The following PTPRB variants were observed in gnomAD, a reference collection of about 807,000 sequenced individuals.
PTPRB encodes receptor-type tyrosine-protein phosphatase beta.
Under a neutral mutation model 238.1 loss-of-function variants are expected in PTPRB, and 97 were observed. The ratio of observed to expected loss-of-function variants is 0.41; its 90% CI spans 0.35 to 0.48. The LOEUF is 0.48. Ranked by LOEUF, PTPRB falls within the 20% of genes least tolerant of loss-of-function variation. PTPRB has a pLI of 0.30. For synonymous variants in PTPRB, 970 were observed against 995.4 expected (o/e 0.97, Z 0.48); for missense variants, 2,292 against 2,681.9 (o/e 0.85, Z 3.21).
At chr12:70,524,914 T>C (rs1872167254) in intron 32 of PTPRB, among the ~76,000 whole-genome samples, 1 of 148,354 alleles carries the variant, frequency 6.7e-6, no homozygotes, top group Non-Finnish European at 1.5e-5. Flanking sequence ...TGTATATATG[T>C]ATGTATATAT....
At chr12:70,534,795 C>T (rs1367063115) in intron 30 of PTPRB, 38 bp downstream of exon 30, 1 of 1,610,316 alleles carries the variant, frequency 6.2e-7, no homozygotes, top group Non-Finnish European at 8.5e-7. Flanking sequence ...TCATTCATCT[C>T]CCCAAGCTCG....
chr12:70,546,501 G>A (rs1875991058), intron 21 of PTPRB, among the ~76,000 whole-genome samples: 1 of 152,192 alleles, frequency 6.6e-6, no homozygotes, highest in South Asian at 2.1e-4. Flanking sequence ...ATTTTAGGAT[G>A]AATTAGAGAT....
intron 2 of PTPRB, among the ~76,000 whole-genome samples, chr12:70,624,297 G>A (rs1885077219): frequency 6.6e-6 from 1 of 152,016 alleles, no homozygotes; most frequent in South Asian, 2.1e-4. Flanking sequence ...ATGTAACCGA[G>A]TGCTGCGTAT....
chr12:70,592,171 C>T (rs1882549936), intron 7 of PTPRB, 111 bp downstream of exon 7: 1 of 1,460,240 alleles, frequency 6.8e-7, no homozygotes, highest in Non-Finnish European at 9.4e-7. Flanking sequence ...ACATAGGCTC[C>T]ACTTCTCAGA....
intron 5 of PTPRB, 135 bp downstream of exon 5, chr12:70,595,914 T>C: frequency 3.5e-6 from 3 of 846,680 alleles, no homozygotes; most frequent in Non-Finnish European, 5.1e-6. Flanking sequence ...TCCCACAAGC[T>C]CCTTTTAAAA....
chr12:70,520,340 G>T lies in PTPRB; in HGVS notation c.*1149C>A. The stretch of plus-strand genomic sequence containing the variant: ...GCCTTTTGTTATTAAATGCAACTTT[G>T]GGTGATTACTTGACATTTTGACTTC... On this transcript the variant is annotated 3_prime_UTR_variant, in exon 34 of 34. Coordinates refer to ENST00000334414, the MANE Select transcript of PTPRB (RefSeq NM_001109754.4). The T allele has an allele frequency of 3.6e-6, 1 of 278,880 alleles. No individual in the cohort carries two copies. Among genetic ancestry groups the T allele is most frequent in the Non-Finnish European group, 7.4e-6 (1 of 135,870 alleles). 17.3% of individuals were successfully genotyped at this position (278,880 alleles called of 1,614,324 possible).
At chr12:70,611,455 A>ATTT (rs571300840) in intron 3 of PTPRB, among the ~76,000 whole-genome samples, 120 of 150,668 alleles carry the variant, frequency 8.0e-4, no homozygotes, top group African/African-American at 2.7e-3. Flanking sequence ...CACCCAGCTA[A>ATTT]TTTTTTTTGT....
rs753797798 is a variant in PTPRB at position 70,521,555 on chromosome 12, T to A, written c.6626-44A>T. 2.0e-6 allele frequency: 3 copies of A among 1,488,468 alleles called. No homozygotes were observed. The South Asian group carries it at 4.1e-5, about 20-fold the overall frequency. The allele number at this position is 1,488,468 out of a possible 1,614,324, so 92.2% of individuals were successfully genotyped here. A position where few individuals can be genotyped will look rare whatever the true frequency, so the allele number is the denominator to read the frequency against. On this transcript the variant is annotated intron_variant, in intron 33 of 33. Transcript: ENST00000334414. ...TAATTAGAGACTGCCGCAGGGTGTG[T>A]CATAATTGTTTACGCTGTTTATGAA...
Position 70,544,727 on chromosome 12 carries a change from G to A in PTPRB, c.5388-64C>T, listed in dbSNP as rs1239366966. 3 of 1,142,198 alleles carry A rather than the reference G, an allele frequency of 2.6e-6. No homozygotes were observed. In the African/African-American group the frequency reaches 4.8e-5, roughly 18 times the overall value. 70.8% of individuals were successfully genotyped at this position (1,142,198 alleles called of 1,614,324 possible). A position where few individuals can be genotyped will look rare whatever the true frequency, so the allele number is the denominator to read the frequency against. On this transcript the variant is annotated intron_variant, in intron 21 of 33. Coordinates refer to ENST00000334414, the MANE Select transcript of PTPRB (RefSeq NM_001109754.4). ...GTTGAACACAGTAGCTGAAAAATGT[G>A]TTCAAGGAGAAATAGGGCGGGTTCC...
rs1881336968 is a variant in PTPRB at position 70,581,102 on chromosome 12, A to G, written c.2512T>C (p.Ser838Pro). 6.2e-7 allele frequency: 1 copy of G among 1,614,044 alleles called. No homozygotes were observed. The highest frequency in any genetic ancestry group is 8.5e-7 in the Non-Finnish European group (1 of 1,179,908). ...CCACTCACTGTTGTTACCACCACGG[A>G]GTACAGGCTGCCGGACTTGAGAGAG... Reference protein sequence around the residue: ...FHSLKSGSLYSVVVTTVSGGI... With the variant: ...FHSLKSGSLYPVVVTTVSGGI... Residue 838 changes from serine (S) to proline (P), a missense_variant, in exon 10 of 34, where the codon TCC (serine) becomes CCC (proline). Ser to Pro is a moderately conservative substitution (Grantham distance 74). Coordinates refer to ENST00000334414, the MANE Select transcript of PTPRB (RefSeq NM_001109754.4).
chr12:70,604,086 A>T (rs917424324), intron 4 of PTPRB, among the ~76,000 whole-genome samples: 1 of 152,114 alleles, frequency 6.6e-6, no homozygotes, highest in African/African-American at 2.4e-5. Context: ...CAAATAATTT[A>T]AAAAACTAGC....
intron 14 of PTPRB, among the ~76,000 whole-genome samples, chr12:70,568,564 T>G (rs558855712): frequency 6.6e-6 from 1 of 152,286 alleles, no homozygotes; most frequent in East Asian, 1.9e-4. Context: ...CCCAAAGTGC[T>G]GGGATTACAG....
At chr12:70,588,405 G>A (rs989666255) in intron 8 of PTPRB, among the ~76,000 whole-genome samples, 36 of 152,072 alleles carry the variant, frequency 2.4e-4, no homozygotes, top group Admixed American at 9.2e-4. Context: ...AGGTTGAGGC[G>A]GGTGGATCAC....
At chr12:70,632,681 T>G (rs1208558967) in intron 2 of PTPRB, among the ~76,000 whole-genome samples, 3 of 152,170 alleles carry the variant, frequency 2.0e-5, no homozygotes, top group African/African-American at 7.2e-5. Context: ...AATTACCTAT[T>G]TATTTACTTA....
At position 70,532,513 on chromosome 12, in the gene PTPRB, A is replaced by G. The variant is rs184140143; in HGVS notation, c.6369-343T>C. Among the ~76,000 whole-genome samples, 13 of 152,310 alleles carry G rather than the reference A, an allele frequency of 8.5e-5. No individual in the cohort carries two copies. In the East Asian group the frequency reaches 2.5e-3, roughly 29 times the overall value. Reference sequence around the variant, plus strand: ...GAAAAATCTACTGAAATGGTAACATATGTGCTTTAGGTATCTTTTTGTCAA... The same window carrying G: ...GAAAAATCTACTGAAATGGTAACATGTGTGCTTTAGGTATCTTTTTGTCAA... On this transcript the variant is annotated intron_variant, in intron 31 of 33. Coordinates refer to ENST00000334414, the MANE Select transcript of PTPRB (RefSeq NM_001109754.4).
Position 70,570,951 on chromosome 12 carries a change from C to A in PTPRB, c.3370+75G>T, listed in dbSNP as rs905916071. The A allele has an allele frequency of 6.6e-6, 10 of 1,510,966 alleles. No individual in the cohort carries two copies. The African/African-American group carries it at 1.4e-4, about 21-fold the overall frequency. The allele number at this position is 1,510,966 out of a possible 1,614,324, so 93.6% of individuals were successfully genotyped here. On this transcript the variant is annotated intron_variant, in intron 13 of 33. Transcript: ENST00000334414. Reference sequence around the variant, plus strand: ...CCTTTTATCCCTCCAAATGCTCAATCGAAATACCTGAACTACCCGAAAGTT... The same window carrying A: ...CCTTTTATCCCTCCAAATGCTCAATAGAAATACCTGAACTACCCGAAAGTT...
At chr12:70,558,832 C>T (rs893575909) in intron 18 of PTPRB, 1 of 162,060 alleles carries the variant, frequency 6.2e-6, no homozygotes, top group Admixed American at 5.9e-5. Flanking sequence ...TCCCTTAATC[C>T]TCACCTTTTA....
chr12:70,635,296 C>T (rs1042291924), intron 2 of PTPRB, among the ~76,000 whole-genome samples: 5 of 152,052 alleles, frequency 3.3e-5, no homozygotes, highest in South Asian at 2.1e-4. Context: ...AATAATTTTC[C>T]GATTACTGAC....
Position 70,520,264 on chromosome 12 carries a change from C to T in PTPRB, c.*1225G>A, listed in dbSNP as rs540135291. On this transcript the variant is annotated 3_prime_UTR_variant, in exon 34 of 34. Transcript: ENST00000334414. Reference sequence around the variant, plus strand: ...CTGACTCATTGGAATTTGTTATAGTCAAAGTAAGTAAGGCACAAATATTGA... The same window carrying T: ...CTGACTCATTGGAATTTGTTATAGTTAAAGTAAGTAAGGCACAAATATTGA... 69 of 456,952 alleles carry T rather than the reference C, an allele frequency of 1.5e-4. No homozygotes were observed. The highest frequency in any genetic ancestry group is 9.7e-4 in the Middle Eastern group (3 of 3,078). 28.3% of individuals were successfully genotyped at this position (456,952 alleles called of 1,614,324 possible). A position where few individuals can be genotyped will look rare whatever the true frequency, so the allele number is the denominator to read the frequency against.
Sources: allele counts gnomAD v4.1 joint callset (sites outside exome capture counted in the v4.1 genomes callset), GRCh38; gene constraint gnomAD v4.1.1; transcripts MANE v1.5; gene names NCBI Gene and HGNC (gene_info 2026-07-23, HGNC 2026-07-21).